BRSK2: variants seen among roughly 807,000 people sequenced by gnomAD.
BRSK2 encodes the protein serine/threonine-protein kinase BRSK2.
Under a neutral mutation model 83.3 loss-of-function variants are expected in BRSK2, and 19 were observed. The ratio of observed to expected loss-of-function variants is 0.23; its 90% confidence interval spans 0.16 to 0.33. The LOEUF (loss-of-function observed/expected upper bound fraction) is 0.33. Among genes scored for constraint, BRSK2 ranks in the 10% least tolerant of loss-of-function variants. The pLI is 1.00. For missense variants in BRSK2, 798 were observed against 1,042.3 expected (o/e 0.77, Z 3.23); for synonymous variants, 519 against 435.4 (o/e 1.19, Z -2.39).
At chr11:1,411,962 C>T (rs933702070) in intron 1 of BRSK2, among the ~76,000 whole-genome samples, 15 of 152,088 alleles carry the variant, frequency 9.9e-5, no homozygotes, top group Admixed American at 2.6e-4. Flanking sequence ...AGCAGTCCTG[C>T]GGTGGGTGGA....
intron 1 of BRSK2, among the ~76,000 whole-genome samples, chr11:1,392,649 G>T (rs1437537567): frequency 6.6e-6 from 1 of 152,170 alleles, no homozygotes; most frequent in Non-Finnish European, 1.5e-5. Flanking sequence ...CCTGCCCTTG[G>T]GGAGTCTGGC....
chr11:1,415,250 A>G (rs1847979046), intron 1 of BRSK2, among the ~76,000 whole-genome samples: 1 of 151,582 alleles, frequency 6.6e-6, no homozygotes, highest in Non-Finnish European at 1.5e-5. Flanking sequence ...GCTCACCACC[A>G]CGCCTGGCTA....
At chr11:1,397,927 C>A (rs1157945142) in intron 1 of BRSK2, among the ~76,000 whole-genome samples, 1 of 152,114 alleles carries the variant, frequency 6.6e-6, no homozygotes, top group African/African-American at 2.4e-5. Context: ...GCCATCACTG[C>A]CCACTTGGCT....
chr11:1,440,654 G>C (rs906932695), intron 3 of BRSK2, 134 bp from the exon 4 acceptor site: 2 of 1,179,000 alleles, frequency 1.7e-6, no homozygotes, highest in Non-Finnish European at 2.3e-6. Flanking sequence ...CCTCTCAGCT[G>C]CCCCCCCAGC....
At chr11:1,434,138 C>T (rs1314569991) in intron 1 of BRSK2, among the ~76,000 whole-genome samples, 11 of 152,226 alleles carry the variant, frequency 7.2e-5, no homozygotes, top group Admixed American at 6.5e-4. Flanking sequence ...AAAACGAGAA[C>T]AGGAAAGGAG....
intron 14 of BRSK2, among the ~76,000 whole-genome samples, 186 bp from the exon 15 acceptor site, chr11:1,451,185 G>A (rs908682887): frequency 6.6e-6 from 1 of 152,192 alleles, no homozygotes; most frequent in East Asian, 1.9e-4. Flanking sequence ...CCTTAGCCTG[G>A]GGGGCGCCAC....
At chr11:1,437,742 C>T (rs1850523928) in intron 2 of BRSK2, among the ~76,000 whole-genome samples, 1 of 152,230 alleles carries the variant, frequency 6.6e-6, no homozygotes, top group East Asian at 1.9e-4. Flanking sequence ...AGGGCGGAGC[C>T]CAGGCACAGC....
chr11:1,413,052 C>T (rs1219905684), intron 1 of BRSK2, among the ~76,000 whole-genome samples: 3 of 152,132 alleles, frequency 2.0e-5, no homozygotes, highest in Non-Finnish European at 2.9e-5. Flanking sequence ...TAGGAGCCTG[C>T]GTTCAGAACC....
Position 1,434,213 on chromosome 11 carries a change from G to A in BRSK2, c.92-1827G>A, listed in dbSNP as rs575328282. On this transcript the variant is annotated intron_variant, in intron 1 of 19. Transcript: ENST00000528841. ...TCCCGCGGGTCAACAGGGCGAGGCCGAGTCTGGGTGAAATTTGAGCACAGC... is the reference window on the plus strand; with the variant it reads ...TCCCGCGGGTCAACAGGGCGAGGCCAAGTCTGGGTGAAATTTGAGCACAGC... 4.6e-5 allele frequency among the ~76,000 whole-genome samples: 7 copies of A among 152,360 alleles called. No individual in the cohort carries two copies. In the South Asian group the frequency reaches 8.3e-4, roughly 18 times the overall value.
chr11:1,402,123 C>CCTG (rs1311558796), intron 1 of BRSK2, among the ~76,000 whole-genome samples: 1 of 152,184 alleles, frequency 6.6e-6, no homozygotes, highest in African/African-American at 2.4e-5. Flanking sequence ...TGAGGGTGCC[C>CCTG]CTGCGTGTGG....
chr11:1,438,254 G>C lies in BRSK2; in HGVS notation c.187-52G>C. 4 of 1,561,422 alleles carry C rather than the reference G, an allele frequency of 2.6e-6. No individual in the cohort carries two copies. The highest frequency in any genetic ancestry group is 3.5e-6 in the Non-Finnish European group (4 of 1,134,128). On this transcript the variant is annotated intron_variant, in intron 2 of 19. Coordinates refer to ENST00000528841, the MANE Select transcript of BRSK2 (RefSeq NM_001256627.2). The surrounding 1 kb of genome is among the most constrained non-coding windows in gnomAD (Gnocchi z 6.4). ...ACCAAAGGCAGTGTCTGTGGGGAGCGATGCGTGCCCCAGCCCTGTGAGCGT... is the reference window on the plus strand; with the variant it reads ...ACCAAAGGCAGTGTCTGTGGGGAGCCATGCGTGCCCCAGCCCTGTGAGCGT...
intron 1 of BRSK2, 60 bp from the exon 2 acceptor site, chr11:1,435,980 G>T (rs1162705341): frequency 9.8e-6 from 13 of 1,330,466 alleles, no homozygotes; most frequent in African/African-American, 1.4e-5. Flanking sequence ...GCACTGTCCG[G>T]CTGGGTGCTC....
chr11:1,449,984 TC>T, intron 13 of BRSK2, 148 bp downstream of exon 13: 3 of 602,410 alleles, frequency 5.0e-6, no homozygotes, highest in Non-Finnish European at 8.9e-6. Context: ...CGGCTGCTGC[TC>T]TGTGGCGCAG....
chr11:1,416,754 C>G (rs1272718502), intron 1 of BRSK2, among the ~76,000 whole-genome samples: 1 of 152,134 alleles, frequency 6.6e-6, no homozygotes, highest in Non-Finnish European at 1.5e-5. Flanking sequence ...AGTGACCCAC[C>G]TTGGTGTGTT....
intron 1 of BRSK2, among the ~76,000 whole-genome samples, chr11:1,398,951 C>T (rs1846295064): frequency 6.6e-6 from 1 of 152,188 alleles, no homozygotes; most frequent in Non-Finnish European, 1.5e-5. Context: ...CGCGGCCGTC[C>T]CTGGCTTTCG....
chr11:1,410,421 G>A (rs9795167), intron 1 of BRSK2: 415,507 of 935,848 alleles, frequency 0.44, 98,508 homozygotes, highest in Non-Finnish European at 0.47. Flanking sequence ...CTCGCAGAGC[G>A]GTGACAGTTG....
chr11:1,392,377 A>G (rs1845782084), intron 1 of BRSK2, among the ~76,000 whole-genome samples: 1 of 152,206 alleles, frequency 6.6e-6, no homozygotes, highest in Non-Finnish European at 1.5e-5. Context: ...GGAGCTGTGG[A>G]GGCCTTGCTT....
chr11:1,453,183 A>G (rs889879632), intron 15 of BRSK2, among the ~76,000 whole-genome samples: 38 of 152,258 alleles, frequency 2.5e-4, no homozygotes, highest in Non-Finnish European at 5.4e-4. Flanking sequence ...GCTTCATAGC[A>G]ACACCCAGAC....
chr11:1,415,353 C>G (rs1011874688), intron 1 of BRSK2, among the ~76,000 whole-genome samples: 1 of 152,164 alleles, frequency 6.6e-6, no homozygotes, highest in African/African-American at 2.4e-5. Flanking sequence ...CTGGGCCTCC[C>G]AAAGTGCTGG....
Sources: allele counts gnomAD v4.1 joint callset (sites outside exome capture counted in the v4.1 genomes callset), GRCh38; gene constraint gnomAD v4.1.1; non-coding constraint Gnocchi (gnomAD v3.1); transcripts MANE v1.5; gene names NCBI Gene and HGNC (gene_info 2026-07-23, HGNC 2026-07-21).